GABRB2: variants seen among roughly 807,000 people sequenced by gnomAD.
GABRB2 encodes the protein gamma-aminobutyric acid type A receptor subunit beta2.
GABRB2 carries 16 observed loss-of-function variants against 54.7 expected under a neutral mutation model. The ratio of observed to expected loss-of-function variants is 0.29; its 90% CI spans 0.20 to 0.44. The LOEUF (loss-of-function observed/expected upper bound fraction) is 0.44, where lower values mean the gene tolerates loss of function less well. Ranked by LOEUF, GABRB2 falls within the 20% of genes least tolerant of loss-of-function variation. The pLI, the probability that GABRB2 is intolerant of heterozygous loss-of-function variation, is 1.00. For synonymous variants in GABRB2, 244 were observed against 233.8 expected (o/e 1.04, Z -0.40); for missense variants, 355 against 644.0 (o/e 0.55, Z 4.86).
chr5:161,490,878 C>T (rs527627619), intron 3 of GABRB2, among the ~76,000 whole-genome samples: 18 of 151,836 alleles, frequency 1.2e-4, no homozygotes, highest in African/African-American at 4.3e-4. Flanking sequence ...GTTCTTTCCT[C>T]TGGGTCTGTC....
chr5:161,442,934 C>T (rs1160062785), intron 4 of GABRB2, among the ~76,000 whole-genome samples: 4 of 152,130 alleles, frequency 2.6e-5, no homozygotes, highest in African/African-American at 4.8e-5. Context: ...AAAATGAAAG[C>T]CACATTTTGA....
chr5:161,532,534 A>C (rs1760495182), intron 3 of GABRB2, among the ~76,000 whole-genome samples: 1 of 152,170 alleles, frequency 6.6e-6, no homozygotes, highest in African/African-American at 2.4e-5. Context: ...ATTATTGCAC[A>C]GAAAAGTTTG....
chr5:161,540,789 G>C (rs577336514), intron 3 of GABRB2, among the ~76,000 whole-genome samples: 15 of 152,172 alleles, frequency 9.9e-5, no homozygotes, highest in East Asian at 7.7e-4. Flanking sequence ...CATTGTCAAT[G>C]AGCAGCCATT....
rs555957122 is a variant in GABRB2, at chr5:161,347,286, A to G, written c.542-10517T>C. On this transcript the variant is annotated intron_variant, in intron 5 of 9. Transcript: ENST00000393959. ...AGGTTAAGTGACTTGTCCAAATGCC[A>G]GAAATAAGGATTGAACTCAATCTGC... Among the ~76,000 whole-genome samples the G allele has an allele frequency of 2.6e-5, 4 of 152,280 alleles. No individual in the cohort carries two copies. In the South Asian group the frequency reaches 6.2e-4, roughly 24 times the overall value.
intron 3 of GABRB2, among the ~76,000 whole-genome samples, chr5:161,499,907 A>T (rs764527307): frequency 7.2e-5 from 11 of 152,218 alleles, no homozygotes; most frequent in Non-Finnish European, 1.6e-4. Flanking sequence ...ACACTCTAAG[A>T]TGAGGAAAAT....
intron 4 of GABRB2, among the ~76,000 whole-genome samples, chr5:161,447,894 T>G (rs1757682256): frequency 6.6e-6 from 1 of 152,190 alleles, no homozygotes; most frequent in Admixed American, 6.5e-5. Context: ...GTATAGATTT[T>G]CTTCATGTAC....
At chr5:161,435,452 A>G (rs1332274776) in intron 4 of GABRB2, among the ~76,000 whole-genome samples, 2 of 152,166 alleles carry the variant, frequency 1.3e-5, no homozygotes, top group Non-Finnish European at 2.9e-5. Context: ...ATAGAAGGAA[A>G]TTCTGCCTAA....
intron 5 of GABRB2, among the ~76,000 whole-genome samples, chr5:161,374,986 G>A (rs987535339): frequency 6.6e-6 from 1 of 152,110 alleles, no homozygotes; most frequent in African/African-American, 2.4e-5. Context: ...TAGACAAAAA[G>A]TCATTTTTTG....
intron 5 of GABRB2, 60 bp downstream of exon 5, chr5:161,410,915 G>C: frequency 7.9e-7 from 1 of 1,265,458 alleles, no homozygotes; most frequent in Non-Finnish European, 1.2e-6. Context: ...AGGACTGGAG[G>C]CCTCTGCGTA....
At chr5:161,417,273 CAT>C (rs1756705652) in intron 4 of GABRB2, among the ~76,000 whole-genome samples, 1 of 152,198 alleles carries the variant, frequency 6.6e-6, no homozygotes, top group African/African-American at 2.4e-5. Flanking sequence ...TAATAACTAA[CAT>C]ATTAATTGAT....
At chr5:161,386,181 A>G (rs72813536) in intron 5 of GABRB2, among the ~76,000 whole-genome samples, 3,383 of 152,228 alleles carry the variant, frequency 0.022, 35 homozygotes, top group Middle Eastern at 0.034. Flanking sequence ...GGATTTATTT[A>G]AACCAGCAAT....
At chr5:161,378,300 A>T (rs997714169) in intron 5 of GABRB2, among the ~76,000 whole-genome samples, 10 of 152,168 alleles carry the variant, frequency 6.6e-5, no homozygotes, top group African/African-American at 2.2e-4. Context: ...ATGTTCAACA[A>T]GAGTTGCTCC....
chr5:161,432,672 G>A (rs1757202458), intron 4 of GABRB2, among the ~76,000 whole-genome samples: 1 of 152,126 alleles, frequency 6.6e-6, no homozygotes, highest in South Asian at 2.1e-4. Context: ...AGGGCTCAAT[G>A]TATAAGCACA....
chr5:161,381,795 G>C (rs1383622115), intron 5 of GABRB2, among the ~76,000 whole-genome samples: 1 of 152,108 alleles, frequency 6.6e-6, no homozygotes, highest in African/African-American at 2.4e-5. Context: ...CTATCTTTTA[G>C]CTTTGCAGTT....
At chr5:161,327,060 A>ACT (rs1444956754) in intron 8 of GABRB2, 1 of 604,464 alleles carries the variant, frequency 1.7e-6, no homozygotes, top group African/African-American at 2.0e-5. Flanking sequence ...ACACACACAC[A>ACT]CACACACACA....
At chr5:161,521,551 C>T (rs997953795) in intron 3 of GABRB2, among the ~76,000 whole-genome samples, 3 of 151,900 alleles carry the variant, frequency 2.0e-5, no homozygotes, top group Non-Finnish European at 4.4e-5. Context: ...TTGTTATGTT[C>T]ACCTCACAGA....
In GABRB2 at chr5:161,292,695, T is replaced by C. The variant is rs1396412074; in HGVS notation, c.*1386A>G. 1.3e-5 allele frequency: 2 copies of C among 152,192 alleles called. No individual in the cohort carries two copies. Among genetic ancestry groups the C allele is most frequent in the African/African-American group, 2.4e-5 (1 of 41,470 alleles). The allele number at this position is 152,192 out of a possible 1,614,324, so 9.4% of individuals were successfully genotyped here. A position where few individuals can be genotyped will look rare whatever the true frequency, so the allele number is the denominator to read the frequency against. On this transcript the variant is annotated 3_prime_UTR_variant, in exon 10 of 10. Transcript: ENST00000393959. ...CCTTGATTAGGCAGATTGCAACATA[T>C]ACAATGAAAGCACTCTTAAGAAAAT...
chr5:161,309,130 C>A (rs557512879), intron 9 of GABRB2, among the ~76,000 whole-genome samples: 1 of 151,084 alleles, frequency 6.6e-6, no homozygotes, highest in Non-Finnish European at 1.5e-5. Context: ...TAATATCCAG[C>A]ATCTATAAGA....
chr5:161,474,367 G>C (rs1758533896), intron 3 of GABRB2, among the ~76,000 whole-genome samples: 1 of 151,774 alleles, frequency 6.6e-6, no homozygotes, highest in Non-Finnish European at 1.5e-5. Flanking sequence ...ATCCTAAATG[G>C]GTTTTCTCCC....
Sources: gnomAD v4.1 joint callset for allele counts (sites outside exome capture counted in the v4.1 genomes callset) on GRCh38, gnomAD v4.1.1 for gene constraint, MANE v1.5 for transcripts, NCBI Gene and HGNC (gene_info 2026-07-23, HGNC 2026-07-21) for gene names.